The following CYB5R4 variants were observed in gnomAD, a reference collection of about 807,000 sequenced individuals.
CYB5R4 encodes the protein cytochrome b5 reductase 4, also known as N-terminal cytochrome b5 and cytochrome b5 oxidoreductase domain-containing protein.
In CYB5R4, 55 loss-of-function variants were observed where a neutral mutation model predicts 70.2. That is an observed-to-expected ratio of 0.78 (90% CI 0.63 to 0.98). CYB5R4 has a LOEUF of 0.98. Among genes scored for constraint, CYB5R4 ranks in the 50% least tolerant of loss-of-function variants. The pLI is 0.00. For missense variants in CYB5R4, 562 were observed against 612.6 expected (o/e 0.92, Z 0.87); for synonymous variants, 197 against 199.5 (o/e 0.99, Z 0.11).
chr6:83,932,403 C>G (rs215963), intron 10 of CYB5R4, among the ~76,000 whole-genome samples: 1,882 of 152,272 alleles, frequency 0.012, 18 homozygotes, highest in South Asian at 0.023. Flanking sequence ...ACTTTTCTAG[C>G]AAATGCTAGA....
chr6:83,861,952 A>T (rs1171518008), intron 1 of CYB5R4, among the ~76,000 whole-genome samples: 9 of 152,218 alleles, frequency 5.9e-5, no homozygotes. Flanking sequence ...GTTTCGTTGT[A>T]CATAGTTTAG....
At chr6:83,892,279 G>T (rs1000987893) in intron 2 of CYB5R4, among the ~76,000 whole-genome samples, 3 of 152,044 alleles carry the variant, frequency 2.0e-5, no homozygotes, top group Non-Finnish European at 4.4e-5. Flanking sequence ...TATATAGCTG[G>T]TCAAAAAACT....
intron 2 of CYB5R4, among the ~76,000 whole-genome samples, chr6:83,873,350 G>A (rs1010632189): frequency 3.5e-5 from 5 of 144,084 alleles, no homozygotes; most frequent in Non-Finnish European, 6.0e-5. Context: ...AGTGATTCTC[G>A]TGCCTCAGCC....
At chr6:83,889,138 G>A (rs1260903526) in intron 2 of CYB5R4, among the ~76,000 whole-genome samples, 1 of 152,228 alleles carries the variant, frequency 6.6e-6, no homozygotes, top group African/African-American at 2.4e-5. Context: ...TAACTTAAAA[G>A]TGCAATGTGA....
chr6:83,951,577 T>C (rs952465613), intron 14 of CYB5R4, among the ~76,000 whole-genome samples: 1 of 152,196 alleles, frequency 6.6e-6, no homozygotes, highest in Non-Finnish European at 1.5e-5. Flanking sequence ...GAATGATGGT[T>C]TCCAGCTTCA....
intron 3 of CYB5R4, among the ~76,000 whole-genome samples, chr6:83,906,506 G>A (rs2099463798): frequency 6.6e-6 from 1 of 152,212 alleles, no homozygotes; most frequent in Admixed American, 6.5e-5. Context: ...AAAGGTCAAA[G>A]GGTTCTTCTG....
At chr6:83,915,536 T>A (rs1166356436) in intron 5 of CYB5R4, among the ~76,000 whole-genome samples, 3 of 152,170 alleles carry the variant, frequency 2.0e-5, no homozygotes, top group Non-Finnish European at 2.9e-5. Context: ...AGACTAGGCA[T>A]TTTCTTTCCA....
chr6:83,870,566 T>G (rs954263316), intron 2 of CYB5R4, among the ~76,000 whole-genome samples: 1 of 152,000 alleles, frequency 6.6e-6, no homozygotes, highest in Non-Finnish European at 1.5e-5. Flanking sequence ...GTTTTTCAAA[T>G]TTGGAACTAA....
chr6:83,882,202 G>A (rs1225919435), intron 2 of CYB5R4, among the ~76,000 whole-genome samples: 1 of 152,188 alleles, frequency 6.6e-6, no homozygotes, highest in Non-Finnish European at 1.5e-5. Context: ...TGAACTTGAG[G>A]TTATGTGTGT....
intron 2 of CYB5R4, among the ~76,000 whole-genome samples, chr6:83,865,117 C>T (rs1467313468): frequency 1.3e-5 from 2 of 152,150 alleles, no homozygotes; most frequent in East Asian, 3.8e-4. Context: ...ATCCTGACTG[C>T]ACTATAACCT....
chr6:83,903,817 C>T (rs1588570795), intron 3 of CYB5R4, among the ~76,000 whole-genome samples: 1 of 151,922 alleles, frequency 6.6e-6, no homozygotes, highest in Non-Finnish European at 1.5e-5. Flanking sequence ...TCTAGGTTTT[C>T]CAGTTTGTTA....
At chr6:83,863,927 G>A (rs1388164979) in intron 1 of CYB5R4, among the ~76,000 whole-genome samples, 1 of 152,126 alleles carries the variant, frequency 6.6e-6, no homozygotes, top group Non-Finnish European at 1.5e-5. Context: ...AGGGTAGGGG[G>A]AAGTCCTAGG....
chr6:83,940,283 A>G (rs1445347882), intron 13 of CYB5R4, 77 bp downstream of exon 13: 1 of 1,335,318 alleles, frequency 7.5e-7, no homozygotes, highest in African/African-American at 1.5e-5. Context: ...TTGATTACTC[A>G]CTGGACCTTA....
At chr6:83,868,629 A>G (rs1222953026) in intron 2 of CYB5R4, among the ~76,000 whole-genome samples, 1 of 152,190 alleles carries the variant, frequency 6.6e-6, no homozygotes, top group South Asian at 2.1e-4. Context: ...TTTTTTAAAA[A>G]ACTTGAATTT....
Position 83,942,590 on chromosome 6 carries a change from C to T in CYB5R4, c.1346+1989C>T, listed in dbSNP as rs538184785. The stretch of plus-strand genomic sequence containing the variant: ...GGAGTTTTTTTTTGTACCCCAGTGG[C>T]GCCTGGAACACCAGAGAGACAGAAC... On this transcript the variant is annotated intron_variant, in intron 14 of 15. Transcript: ENST00000369681. Among the ~76,000 whole-genome samples, 85 of 152,158 alleles carry T rather than the reference C, an allele frequency of 5.6e-4. 1 individual carries two copies. Among genetic ancestry groups the T allele is most frequent in the African/African-American group, 1.5e-3 (63 of 41,498 alleles).
intron 5 of CYB5R4, among the ~76,000 whole-genome samples, chr6:83,915,924 A>G (rs1262936145): frequency 1.3e-5 from 2 of 152,184 alleles, no homozygotes; most frequent in African/African-American, 4.8e-5. Flanking sequence ...ACCAATACTT[A>G]TGGAAGGGAG....
chr6:83,912,404 G>C (rs1378770175), intron 4 of CYB5R4, among the ~76,000 whole-genome samples: 1 of 152,190 alleles, frequency 6.6e-6, no homozygotes, highest in South Asian at 2.1e-4. Context: ...ATTGGTAAAA[G>C]AACTTCCTAC....
At position 83,872,091 on chromosome 6, in the gene CYB5R4, G is replaced by A. The variant is rs146151393; in HGVS notation, c.229+7763G>A. On this transcript the variant is annotated intron_variant, in intron 2 of 15. Transcript: ENST00000369681. ...ATCCTTATATTTCTAGAGATAGTCT[G>A]CAGTAACTCTCATTATATTCCTGGT... Among the ~76,000 whole-genome samples the A allele has an allele frequency of 1.4e-4, 22 of 152,142 alleles. No homozygotes were observed. The East Asian group carries it at 4.1e-3, about 28-fold the overall frequency.
At chr6:83,881,970 G>C (rs182476017) in intron 2 of CYB5R4, among the ~76,000 whole-genome samples, 1 of 151,964 alleles carries the variant, frequency 6.6e-6, no homozygotes, top group Non-Finnish European at 1.5e-5. Flanking sequence ...TTTTATTGCC[G>C]AGTGCTCTAA....
Sources: gnomAD v4.1 joint callset for allele counts (sites outside exome capture counted in the v4.1 genomes callset) on GRCh38, gnomAD v4.1.1 for gene constraint, MANE v1.5 for transcripts, NCBI Gene and HGNC (gene_info 2026-07-23, HGNC 2026-07-21) for gene names.